Variants in HBEGF observed in about 807,000 individuals in gnomAD.
HBEGF encodes the protein heparin binding EGF like growth factor, also known as proheparin-binding EGF-like growth factor.
In HBEGF, 8 loss-of-function variants were observed where a neutral mutation model predicts 19.5. The observed-to-expected ratio is 0.41, with a 90% CI of 0.24 to 0.74. The LOEUF (loss-of-function observed/expected upper bound fraction) is 0.74, where lower values mean the gene tolerates loss of function less well. Among genes scored for constraint, HBEGF ranks in the 30% least tolerant of loss-of-function variants. The probability of loss-of-function intolerance (pLI) is 0.32; values close to 1 mark genes in which losing one functional copy is unlikely to be tolerated. For synonymous variants in HBEGF, 97 were observed against 108.9 expected (o/e 0.89, Z 0.68); for missense variants, 207 against 256.9 (o/e 0.81, Z 1.33).
intron 2 of HBEGF, 180 bp from the exon 3 acceptor site, chr5:140,342,992 C>G (rs1766338969): frequency 1.6e-6 from 1 of 628,006 alleles, no homozygotes; most frequent in African/African-American, 1.8e-5. Context: ...GCAGAACCAC[C>G]AGAAAGAGGG....
In HBEGF at chr5:140,343,008, C is replaced by G. The variant is rs542188151; in HGVS notation, c.221-196G>C. The G allele has an allele frequency of 5.1e-6, 3 of 593,184 alleles. No homozygotes were observed. The Admixed American group carries it at 8.7e-5, about 17-fold the overall frequency. 36.7% of individuals were successfully genotyped at this position (593,184 alleles called of 1,614,324 possible). ...CAGAACCACCAGAAAGAGGGAACCT[C>G]GGTAGGAAGTAGAAGCTAGGGTGGG... On this transcript the variant is annotated intron_variant, in intron 2 of 5. Transcript: ENST00000230990.
At position 140,342,656 on chromosome 5, in the gene HBEGF, T is replaced by G; in HGVS notation, c.377A>C (p.Glu126Ala). 1.2e-6 allele frequency: 2 copies of G among 1,614,172 alleles called. No homozygotes were observed. Among genetic ancestry groups the G allele is most frequent in the South Asian group, 2.2e-5 (2 of 91,086 alleles). Reference sequence around the variant, plus strand: ...TTACATGCAGGAGGGAGCCCGGAGCTCCTTCACATATTTGCATTCTCCATG... The same window carrying G: ...TTACATGCAGGAGGGAGCCCGGAGCGCCTTCACATATTTGCATTCTCCATG... ...CIHGECKYVKELRAPSCICHP... is the reference protein window; with the variant it reads ...CIHGECKYVKALRAPSCICHP... Residue 126 changes from glutamate (E) to alanine (A), a missense_variant, in exon 3 of 6, where the codon GAG (glutamate) becomes GCG (alanine). Glu to Ala is a moderately radical substitution (Grantham distance 107). Transcript: ENST00000230990.
chr5:140,334,588 AC>A, intron 5 of HBEGF, 69 bp downstream of exon 5: 1 of 1,008,408 alleles, frequency 9.9e-7, no homozygotes, highest in Non-Finnish European at 1.6e-6. Flanking sequence ...AGAATTCAGC[AC>A]CCACTGAAGC....
rs879555253 is a variant in HBEGF, at chr5:140,340,106, G to T, written c.398+2529C>A. On this transcript the variant is annotated intron_variant, in intron 3 of 5. Coordinates refer to ENST00000230990, the MANE Select transcript of HBEGF (RefSeq NM_001945.3). ...GTTCAAGACCAGCCTGGCCAACATG[G>T]TGAAACCCCATCTCCACAAAAATTT... Among the ~76,000 whole-genome samples, 87 of 152,128 alleles carry T rather than the reference G, an allele frequency of 5.7e-4. 1 individual carries two copies. The Middle Eastern group carries it at 0.014, about 24-fold the overall frequency.
intron 2 of HBEGF, among the ~76,000 whole-genome samples, chr5:140,344,259 A>T (rs1164913236): frequency 6.6e-6 from 1 of 152,022 alleles, no homozygotes; most frequent in Non-Finnish European, 1.5e-5. Context: ...TCCTCACCAC[A>T]CCAAGCTGCC....
chr5:140,338,123 A>G (rs1766254845), intron 3 of HBEGF, among the ~76,000 whole-genome samples: 1 of 152,068 alleles, frequency 6.6e-6, no homozygotes, highest in Non-Finnish European at 1.5e-5. Context: ...AGCGCAGGTA[A>G]CTCCAAGGAA....
intron 3 of HBEGF, among the ~76,000 whole-genome samples, chr5:140,336,548 A>C (rs1016116459): frequency 7.9e-5 from 12 of 152,186 alleles, no homozygotes; most frequent in Non-Finnish European, 2.9e-5. Flanking sequence ...GCCTATTAAT[A>C]GGCCCTGTGC....
rs1766205934 is a variant in HBEGF, at chr5:140,334,984, TCCTTATG to T, written c.555-243_555-237del. ...CCTCATTTACGTGATCCTCACAACA[TCCTTATG>T]AGGTAGATGGACAAACATTACAATC... On this transcript the variant is annotated intron_variant, in intron 4 of 5. Transcript: ENST00000230990. 7 of 577,068 alleles carry T rather than the reference TCCTTATG, an allele frequency of 1.2e-5. No homozygotes were observed. In the South Asian group the frequency reaches 1.4e-4, roughly 12 times the overall value. The allele number at this position is 577,068 out of a possible 1,614,324, so 35.7% of individuals were successfully genotyped here.
At position 140,340,459 on chromosome 5, in the gene HBEGF, T is replaced by G. The variant is rs554647176; in HGVS notation, c.398+2176A>C. On this transcript the variant is annotated intron_variant, in intron 3 of 5. Coordinates refer to ENST00000230990, the MANE Select transcript of HBEGF (RefSeq NM_001945.3). ...TTAATTCGGCATGGTGGCAGGTGCC[T>G]GTAGTCCCAGCCACTTAGGAGGCTG... is the stretch of plus-strand genomic sequence containing the variant. Among the ~76,000 whole-genome samples, 11 of 151,112 alleles carry G rather than the reference T, an allele frequency of 7.3e-5. No homozygotes were observed. In the South Asian group the frequency reaches 1.0e-3, roughly 14 times the overall value.
At chr5:140,334,518 A>G (rs1442250233) in intron 5 of HBEGF, 140 bp downstream of exon 5, 4 of 689,384 alleles carry the variant, frequency 5.8e-6, no homozygotes, top group Non-Finnish European at 1.0e-5. Context: ...AGTCTTTTTG[A>G]AAATAATTCT....
intron 4 of HBEGF, 91 bp from the exon 5 acceptor site, chr5:140,334,839 G>A (rs1766203582): frequency 1.9e-6 from 2 of 1,046,790 alleles, no homozygotes; most frequent in South Asian, 1.3e-5. Context: ...TGCCATGGTG[G>A]TTTCCTCTAC....
chr5:140,345,992 T>C lies in HBEGF; in HGVS notation c.139A>G (p.Thr47Ala). The C allele has an allele frequency of 6.2e-7, 1 of 1,614,152 alleles. No individual in the cohort carries two copies. ...CCTCCTAGGGGTAGCAGCTGGTCCG[T>C]GGATACAGTGGGAGGGTCCGGGTTG... is the stretch of plus-strand genomic sequence containing the variant. ...TSNPDPPTVS[T>A]DQLLPLGGGR... The change falls in exon 2 of 6, where the codon ACG (threonine) becomes GCG (alanine). Residue 47 changes from threonine to alanine, a missense_variant. Around this residue, in one of 3 missense-constraint regions of HBEGF, gnomAD observed 127 missense variants for 132.7 expected, o/e 0.96. Coordinates refer to ENST00000230990, the MANE Select transcript of HBEGF (RefSeq NM_001945.3).
intron 3 of HBEGF, among the ~76,000 whole-genome samples, chr5:140,340,582 C>CAAAAAAAAAAAAAAA (rs61489261): frequency 1.7e-4 from 10 of 59,842 alleles, no homozygotes; most frequent in Admixed American, 2.4e-4. Flanking sequence ...GACTCTGTCT[C>CAAAAAAAAAAAAAAA]AAAAAAAAAA....
In HBEGF at chr5:140,334,657, C is replaced by T. The variant is rs1282004511; in HGVS notation, c.*18+1G>A. The stretch of plus-strand genomic sequence containing the variant: ...TCATGGGGCAAAGGATGGAGCGTTA[C>T]CTTGAGCACAAGTCTCTCTCAGTGG... On this transcript the variant is annotated splice_donor_variant, in intron 5 of 5. Transcript: ENST00000230990. LOFTEE classifies it low-confidence loss of function (3UTR_SPLICE). 2.5e-6 allele frequency: 4 copies of T among 1,595,720 alleles called. No homozygotes were observed. The highest frequency in any genetic ancestry group is 1.7e-4 in the Middle Eastern group (1 of 6,032).
chr5:140,342,310 C>G (rs1766325448), intron 3 of HBEGF, among the ~76,000 whole-genome samples: 1 of 152,194 alleles, frequency 6.6e-6, no homozygotes, highest in Admixed American at 6.5e-5. Context: ...ACTGGCTTCT[C>G]CCTCCCAGAG....
At chr5:140,336,314 G>C (rs544166764) in intron 3 of HBEGF, among the ~76,000 whole-genome samples, 3 of 152,324 alleles carry the variant, frequency 2.0e-5, no homozygotes, top group African/African-American at 7.2e-5. Flanking sequence ...GGGAGGACTT[G>C]AAGGCCTCAG....
At position 140,346,243 on chromosome 5, in the gene HBEGF, C is replaced by A. The variant is rs1156895773; in HGVS notation, c.46+40G>T. 6.3e-7 allele frequency: 1 copy of A among 1,583,904 alleles called. No homozygotes were observed. The highest frequency in any genetic ancestry group is 1.4e-5 in the African/African-American group (1 of 73,988). The stretch of plus-strand genomic sequence containing the variant: ...CCCCCATGCCCCCAGCACAACGCCC[C>A]CATCCCCCCGATCTCCGGGGGCGTC... On this transcript the variant is annotated intron_variant, in intron 1 of 5. Transcript: ENST00000230990. The surrounding 1 kb of genome is among the most constrained non-coding windows in gnomAD (Gnocchi z 6.1).
chr5:140,340,582 C>CAAAAAAAAAAAAAAAAAAAAA (rs61489261), intron 3 of HBEGF, among the ~76,000 whole-genome samples: 3 of 59,848 alleles, frequency 5.0e-5, no homozygotes, highest in African/African-American at 6.2e-5. Flanking sequence ...GACTCTGTCT[C>CAAAAAAAAAAAAAAAAAAAAA]AAAAAAAAAA....
At chr5:140,345,280 T>TCC (rs2024282369) in intron 2 of HBEGF, among the ~76,000 whole-genome samples, 1 of 152,286 alleles carries the variant, frequency 6.6e-6, no homozygotes, top group South Asian at 2.1e-4. Context: ...CCCTCCCCAT[T>TCC]TGGAGTCTCC....
Sources: gnomAD v4.1 joint callset for allele counts (sites outside exome capture counted in the v4.1 genomes callset) on GRCh38, gnomAD v4.1.1 for gene constraint, gnomAD v4.1.1 regional missense constraint, Gnocchi (gnomAD v3.1) non-coding constraint, MANE v1.5 for transcripts, NCBI Gene and HGNC (gene_info 2026-07-23, HGNC 2026-07-21) for gene names.